Variants in CFAP20DC observed in about 807,000 individuals in gnomAD.
The protein encoded by CFAP20DC is protein CFAP20DC.
A neutral mutation model predicts 101.7 loss-of-function variants in CFAP20DC; 84 were observed. The observed-to-expected ratio is 0.83, with a 90% CI of 0.69 to 0.99. The LOEUF (loss-of-function observed/expected upper bound fraction) is 0.99, where lower values mean the gene tolerates loss of function less well. Ranked by LOEUF, CFAP20DC falls within the 50% of genes least tolerant of loss-of-function variation. The pLI, the probability that CFAP20DC is intolerant of heterozygous loss-of-function variation, is 0.00. For synonymous variants in CFAP20DC, 359 were observed against 351.2 expected (o/e 1.02, Z -0.25); for missense variants, 1,007 against 970.3 (o/e 1.04, Z -0.50).
chr3:58,801,996 G>A (rs898385212), intron 15 of CFAP20DC, among the ~76,000 whole-genome samples: 2 of 152,120 alleles, frequency 1.3e-5, no homozygotes, highest in African/African-American at 4.8e-5. Context: ...ACCTTGCAAA[G>A]CCTTTGACTA....
At chr3:58,985,068 G>A (rs2092706787) in intron 4 of CFAP20DC, among the ~76,000 whole-genome samples, 1 of 151,976 alleles carries the variant, frequency 6.6e-6, no homozygotes, top group Admixed American at 6.6e-5. Flanking sequence ...GGGACTACAG[G>A]AGCGCCCACA....
intron 3 of CFAP20DC, chr3:58,726,960 A>G: frequency 8.0e-6 from 2 of 249,956 alleles, no homozygotes; most frequent in Non-Finnish European, 1.6e-5. Flanking sequence ...AAGAGATGAG[A>G]GCGACCCATC....
At chr3:58,754,126 T>C (rs2068761216) in intron 15 of CFAP20DC, among the ~76,000 whole-genome samples, 1 of 152,188 alleles carries the variant, frequency 6.6e-6, no homozygotes, top group South Asian at 2.1e-4. Flanking sequence ...GTTATTAAAT[T>C]ACAGCAGAGT....
chr3:58,862,413 T>C (rs1284983696), intron 12 of CFAP20DC: 9 of 985,288 alleles, frequency 9.1e-6, no homozygotes, highest in Non-Finnish European at 1.1e-5. Flanking sequence ...CTTAAAATGC[T>C]AGCATCAAAT....
chr3:58,821,858 C>T (rs539815449), intron 14 of CFAP20DC, among the ~76,000 whole-genome samples: 199 of 125,478 alleles, frequency 1.6e-3, no homozygotes, highest in African/African-American at 5.9e-3. Context: ...ATGTTTATTG[C>T]GGCATTATTC....
At chr3:58,935,624 T>A (rs1256519321) in intron 5 of CFAP20DC, among the ~76,000 whole-genome samples, 4 of 152,150 alleles carry the variant, frequency 2.6e-5, no homozygotes, top group African/African-American at 9.6e-5. Flanking sequence ...ACGCCGCATA[T>A]CTACAACTAT....
At chr3:58,718,524 C>T (rs867250910) in intron 3 of CFAP20DC, among the ~76,000 whole-genome samples, 1 of 152,204 alleles carries the variant, frequency 6.6e-6, no homozygotes, top group African/African-American at 2.4e-5. Flanking sequence ...GGCAGATCCA[C>T]CTGAGAGCCA....
At position 58,849,399 on chromosome 3, in the gene CFAP20DC, C is replaced by A; in HGVS notation, c.1604G>T (p.Ser535Ile). 6.6e-7 allele frequency: 1 copy of A among 1,525,910 alleles called. No individual in the cohort carries two copies. Among genetic ancestry groups the A allele is most frequent in the Non-Finnish European group, 8.7e-7 (1 of 1,143,312 alleles). The allele number at this position is 1,525,910 out of a possible 1,614,324, so 94.5% of individuals were successfully genotyped here. A position where few individuals can be genotyped will look rare whatever the true frequency, so the allele number is the denominator to read the frequency against. The stretch of plus-strand genomic sequence containing the variant: ...TGTTGGGCCTCGAGAACCCTGGATA[C>A]TGTGGTTACCCTATGTTGGGGAACA... The part of the protein sequence containing the change: ...GGDSSEEGNH[S>I]IQGSRGPTTG... The change falls in exon 13 of 17, where the codon AGT becomes ATT. Residue 535 changes from serine to isoleucine, a missense_variant. Ser to Ile is a moderately radical substitution (Grantham distance 142). Coordinates refer to ENST00000482387, the MANE Select transcript of CFAP20DC (RefSeq NM_001394063.1).
chr3:58,935,898 G>C (rs1477950152), intron 5 of CFAP20DC, among the ~76,000 whole-genome samples: 1 of 152,016 alleles, frequency 6.6e-6, no homozygotes, highest in African/African-American at 2.4e-5. Context: ...AAAAGCAATG[G>C]CAACAAAAGC....
At chr3:58,933,876 G>A (rs1208946619) in intron 5 of CFAP20DC, among the ~76,000 whole-genome samples, 1 of 151,640 alleles carries the variant, frequency 6.6e-6, no homozygotes, top group Admixed American at 6.6e-5. Context: ...AAAAGCAAGA[G>A]CAAACACATT....
chr3:58,940,486 T>C (rs1212832919), intron 4 of CFAP20DC, among the ~76,000 whole-genome samples: 4 of 152,248 alleles, frequency 2.6e-5, no homozygotes, highest in Non-Finnish European at 5.9e-5. Flanking sequence ...TTCTTTTCTT[T>C]CTGTATGTTT....
chr3:58,908,102 A>G (rs1576254890), intron 6 of CFAP20DC, among the ~76,000 whole-genome samples: 1 of 152,354 alleles, frequency 6.6e-6, no homozygotes, highest in Non-Finnish European at 1.5e-5. Context: ...CTACAAAATT[A>G]TAAGAAAAAA....
intron 5 of CFAP20DC, among the ~76,000 whole-genome samples, chr3:58,935,392 A>G (rs2107738339): frequency 6.6e-6 from 1 of 152,104 alleles, no homozygotes; most frequent in Admixed American, 6.5e-5. Context: ...CAAGCTACCA[A>G]TGACTTTCTT....
In CFAP20DC at chr3:59,006,562, G is replaced by C. The variant is rs914651300; in HGVS notation, c.278+32995C>G. 6.6e-6 allele frequency among the ~76,000 whole-genome samples: 1 copy of C among 152,194 alleles called. No homozygotes were observed. Among genetic ancestry groups the C allele is most frequent in the Non-Finnish European group, 1.5e-5 (1 of 68,050 alleles). On this transcript the variant is annotated intron_variant, in intron 4 of 16. Transcript: ENST00000482387. The surrounding 1 kb of genome is among the most constrained non-coding windows in gnomAD (Gnocchi z 4.3). ...GGGAATCTGAAAATCCAGATCACGG[G>C]AGAAGGACTTAACCTTACCTACAGC...
intron 3 of CFAP20DC, among the ~76,000 whole-genome samples, chr3:58,735,040 G>T (rs944889500): frequency 2.0e-5 from 3 of 152,152 alleles, no homozygotes; most frequent in African/African-American, 7.2e-5. Context: ...TAAATGGAAA[G>T]ACTCCAAAAC....
intron 6 of CFAP20DC, among the ~76,000 whole-genome samples, chr3:58,904,995 G>A (rs898551800): frequency 1.3e-5 from 2 of 152,132 alleles, no homozygotes; most frequent in African/African-American, 4.8e-5. Flanking sequence ...AGTTACCAGT[G>A]CCAGGTCATT....
Position 58,884,766 on chromosome 3 carries a change from C to T in CFAP20DC, c.551-57G>A, listed in dbSNP as rs1286174702. 4 of 1,350,190 alleles carry T rather than the reference C, an allele frequency of 3.0e-6. No homozygotes were observed. The Admixed American group carries it at 7.8e-5, about 26-fold the overall frequency. 83.6% of individuals were successfully genotyped at this position (1,350,190 alleles called of 1,614,324 possible). ...ATGTAAGCCATTTCTGCCAAATGGA[C>T]CTATCATATAAATGAAATCAATTAA... is the stretch of plus-strand genomic sequence containing the variant. On this transcript the variant is annotated intron_variant, in intron 6 of 16. Transcript: ENST00000482387.
intron 5 of CFAP20DC, among the ~76,000 whole-genome samples, chr3:58,926,809 T>C (rs752423602): frequency 1.2e-4 from 18 of 152,258 alleles, no homozygotes; most frequent in Non-Finnish European, 2.1e-4. Flanking sequence ...ATCTGAATTC[T>C]AGAGGTTACT....
chr3:58,782,698 T>C (rs1301334661), intron 15 of CFAP20DC, among the ~76,000 whole-genome samples: 1 of 151,850 alleles, frequency 6.6e-6, no homozygotes, highest in Non-Finnish European at 1.5e-5. Context: ...TGGGAATAAA[T>C]TTAACCAAGG....
Sources: gnomAD v4.1 joint callset for allele counts (sites outside exome capture counted in the v4.1 genomes callset) on GRCh38, gnomAD v4.1.1 for gene constraint, Gnocchi (gnomAD v3.1) non-coding constraint, MANE v1.5 for transcripts, NCBI Gene and HGNC (gene_info 2026-07-23, HGNC 2026-07-21) for gene names.